Variants in ANK2 observed in about 807,000 individuals in gnomAD.
ANK2 encodes the protein ankyrin-2.
Under a neutral mutation model 360.5 loss-of-function variants are expected in ANK2, and 83 were observed. The ratio of observed to expected loss-of-function variants is 0.23; its 90% CI spans 0.19 to 0.28. The LOEUF is 0.28. Among genes scored for constraint, ANK2 ranks in the 10% least tolerant of loss-of-function variants. The pLI is 1.00. For missense variants in ANK2, 4,201 were observed against 4,795.7 expected (o/e 0.88, Z 3.66); for synonymous variants, 1,740 against 1,759.5 (o/e 0.99, Z 0.28).
At chr4:113,088,837 G>C (rs2086235922) in intron 1 of ANK2, among the ~76,000 whole-genome samples, 1 of 152,174 alleles carries the variant, frequency 6.6e-6, no homozygotes, top group Non-Finnish European at 1.5e-5. Context: ...ATTGGATCCA[G>C]ATCTTTCTGG....
At chr4:113,254,920 A>G (rs2048479961) in intron 10 of ANK2, among the ~76,000 whole-genome samples, 1 of 152,170 alleles carries the variant, frequency 6.6e-6, no homozygotes, top group Non-Finnish European at 1.5e-5. Flanking sequence ...ATTGTTTTTT[A>G]AAATTTAGTT....
At chr4:113,117,065 C>T (rs2094873421) in intron 1 of ANK2, 2 of 348,394 alleles carry the variant, frequency 5.7e-6, no homozygotes, top group Non-Finnish European at 1.1e-5. Context: ...CTGGAGGTCT[C>T]GGTTTGGGAC....
intron 4 of ANK2, among the ~76,000 whole-genome samples, chr4:113,211,174 T>G (rs1285643978): frequency 6.6e-6 from 1 of 152,216 alleles, no homozygotes; most frequent in Non-Finnish European, 1.5e-5. Flanking sequence ...GAACTTCTAT[T>G]CACAGACAAT....
intron 2 of ANK2, among the ~76,000 whole-genome samples, chr4:112,947,611 A>C (rs2094629033): frequency 3.3e-5 from 5 of 152,242 alleles, no homozygotes; most frequent in South Asian, 2.1e-4. Context: ...AAGCAGCAGA[A>C]AGCATGCAGG....
At chr4:112,831,579 A>G (rs1256416296) in intron 1 of ANK2, among the ~76,000 whole-genome samples, 2 of 93,192 alleles carry the variant, frequency 2.1e-5, no homozygotes, top group East Asian at 1.5e-3. Flanking sequence ...AAATGGGCCA[A>G]TCAGCCCTGT....
At chr4:112,958,368 G>A (rs2032291719) in intron 2 of ANK2, among the ~76,000 whole-genome samples, 1 of 152,220 alleles carries the variant, frequency 6.6e-6, no homozygotes, top group African/African-American at 2.4e-5. Flanking sequence ...GAGGCTGGCG[G>A]ATCACTCGCG....
chr4:112,728,721 A>G, the ANK2 span, among the ~76,000 whole-genome samples: 1 of 152,194 alleles, frequency 6.6e-6, no homozygotes, highest in Non-Finnish European at 1.5e-5. Flanking sequence ...CCTGGGTAAC[A>G]GAGCAAAAGT....
intron 2 of ANK2, among the ~76,000 whole-genome samples, chr4:112,954,229 C>CCCTTCCTTCCTTCCTTCCTTCCTTCCTT (rs1162519296): frequency 6.4e-5 from 9 of 141,482 alleles, no homozygotes; most frequent in African/African-American, 2.5e-4. Context: ...CTCCCTCCCT[C>CCCTTCCTTCCTTCCTTCCTTCCTTCCTT]CCTTCCTTCC....
chr4:113,021,467 A>G (rs576833307), intron 2 of ANK2, among the ~76,000 whole-genome samples: 44 of 148,658 alleles, frequency 3.0e-4, no homozygotes, highest in African/African-American at 1.1e-3. Context: ...AGAATTTTCC[A>G]TATATATAAG....
chr4:113,113,905 C>A (rs547994068), intron 1 of ANK2, among the ~76,000 whole-genome samples: 6 of 152,152 alleles, frequency 3.9e-5, no homozygotes, highest in Admixed American at 3.3e-4. Flanking sequence ...ACATCAATTT[C>A]TCATCAGCTT....
intron 1 of ANK2, chr4:112,826,160 T>C (rs2058367985): frequency 7.3e-6 from 2 of 274,398 alleles, no homozygotes; most frequent in Non-Finnish European, 1.4e-5. Context: ...TTAGGGACAT[T>C]TCACAGATGG....
intron 1 of ANK2, among the ~76,000 whole-genome samples, chr4:112,832,322 T>C (rs1299507737): frequency 6.6e-6 from 1 of 152,174 alleles, no homozygotes; most frequent in Non-Finnish European, 1.5e-5. Flanking sequence ...CAAAGTGCTG[T>C]CATTACAGGC....
At chr4:113,230,591 C>T (rs576891557) in intron 4 of ANK2, among the ~76,000 whole-genome samples, 28 of 152,160 alleles carry the variant, frequency 1.8e-4, no homozygotes, top group Admixed American at 1.6e-3. Context: ...TACTTATTCT[C>T]GTTAATGCAT....
At chr4:113,339,362 TACCCTCCA>T (rs1256427206) in intron 32 of ANK2, 40 bp downstream of exon 32, 1 of 1,536,920 alleles carries the variant, frequency 6.5e-7, no homozygotes, top group South Asian at 1.1e-5. Flanking sequence ...TATGATATGT[TACCCTCCA>T]AAAAAACTGC....
chr4:112,957,869 C>A (rs2031288296), intron 2 of ANK2, among the ~76,000 whole-genome samples: 1 of 151,450 alleles, frequency 6.6e-6, no homozygotes, highest in Admixed American at 6.6e-5. Context: ...GGTCTCCTCA[C>A]TTCTCAGACG....
At chr4:113,001,310 G>A (rs1229638297) in intron 2 of ANK2, among the ~76,000 whole-genome samples, 5 of 119,292 alleles carry the variant, frequency 4.2e-5, no homozygotes, top group Non-Finnish European at 4.9e-5. Flanking sequence ...CAGCCTAGGC[G>A]ACAAAAGCAA....
chr4:112,933,780 A>G lies in ANK2; in HGVS notation c.21+29266A>G, dbSNP rs190556202. ...CTCCCAACGTGCTGAGATTACAGGC[A>G]TGAGTCACTGTGCCCGGCAGAGATG... is the stretch of plus-strand genomic sequence containing the variant. On this transcript the variant is annotated intron_variant, in intron 2 of 30. Coordinates refer to the ANK2 transcript ENST00000503271. Among the ~76,000 whole-genome samples, 297 of 152,328 alleles carry G rather than the reference A, an allele frequency of 1.9e-3. 1 individual carries two copies. Among genetic ancestry groups the G allele is most frequent in the Admixed American group, 5.2e-3 (79 of 15,300 alleles).
intron 2 of ANK2, among the ~76,000 whole-genome samples, chr4:113,037,437 G>A (rs964076151): frequency 6.6e-6 from 1 of 151,820 alleles, no homozygotes; most frequent in African/African-American, 2.4e-5. Context: ...TATTATTATT[G>A]TTATACTCTA....
chr4:113,278,377 A>G, intron 16 of ANK2, 83 bp from the exon 17 acceptor site: 1 of 1,103,600 alleles, frequency 9.1e-7, no homozygotes, highest in East Asian at 2.4e-5. Context: ...AATTTAATCA[A>G]TATCAGTTTC....
Sources: allele counts gnomAD v4.1 joint callset (sites outside exome capture counted in the v4.1 genomes callset), GRCh38; gene constraint gnomAD v4.1.1; transcripts MANE v1.5; gene names NCBI Gene and HGNC (gene_info 2026-07-23, HGNC 2026-07-21).